Variants in MLXIP observed in about 807,000 individuals in gnomAD.
The protein encoded by MLXIP is MLX-interacting protein.
A neutral mutation model predicts 87.2 loss-of-function variants in MLXIP; 30 were observed. The observed-to-expected ratio is 0.34, with a 90% CI of 0.26 to 0.47. MLXIP has a LOEUF of 0.47. Among genes scored for constraint, MLXIP ranks in the 20% least tolerant of loss-of-function variants. The pLI, the probability that MLXIP is intolerant of heterozygous loss-of-function variation, is 1.00. For missense variants in MLXIP, 1,002 were observed against 1,240.1 expected, an observed-to-expected ratio of 0.81 and a Z score of 2.88; for synonymous variants, 530 against 514.0, an observed-to-expected ratio of 1.03 and a Z score of -0.42.
At chr12:122,087,632 A>G (rs140789304) in intron 1 of MLXIP, among the ~76,000 whole-genome samples, 1,837 of 152,288 alleles carry the variant, frequency 0.012, 39 homozygotes, top group African/African-American at 0.042. Flanking sequence ...AGGAGGTAAG[A>G]TAGAAGAGGC....
chr12:122,096,075 A>G (rs1290500642), intron 1 of MLXIP, among the ~76,000 whole-genome samples: 1 of 151,362 alleles, frequency 6.6e-6, no homozygotes, highest in Non-Finnish European at 1.5e-5. Context: ...CAAAATATCC[A>G]TCTGCAATTT....
intron 1 of MLXIP, among the ~76,000 whole-genome samples, chr12:122,094,198 TTG>T (rs1952304356): frequency 7.9e-5 from 3 of 38,080 alleles, no homozygotes; most frequent in East Asian, 1.8e-3. Context: ...GTTGTGTGTG[TTG>T]GTGTGTGGAG....
At chr12:122,131,152 C>T (rs1952970983) in intron 7 of MLXIP, among the ~76,000 whole-genome samples, 3 of 152,062 alleles carry the variant, frequency 2.0e-5, no homozygotes, top group Admixed American at 1.3e-4. Flanking sequence ...TGGATTTAGC[C>T]GTGACTGTAA....
intron 1 of MLXIP, among the ~76,000 whole-genome samples, chr12:122,082,269 C>G (rs1428554411): frequency 6.6e-6 from 1 of 152,144 alleles, no homozygotes; most frequent in Non-Finnish European, 1.5e-5. Flanking sequence ...GGCGAAGGGT[C>G]TTGATTTGGT....
At position 122,141,877 on chromosome 12, in the gene MLXIP, C is replaced by A; in HGVS notation, c.*65C>A. The A allele has an allele frequency of 6.3e-7, 1 of 1,590,254 alleles. No individual in the cohort carries two copies. On this transcript the variant is annotated 3_prime_UTR_variant, in exon 17 of 17. Transcript: ENST00000319080. ...CCCTTCCCTGCCCATGGAGAGTAGG[C>A]TGCGCCCCCCAGCCCTTCCTGACGC...
chr12:122,142,017 C>G lies in MLXIP; in HGVS notation c.*205C>G. 1 of 732,352 alleles carries G rather than the reference C, an allele frequency of 1.4e-6. No individual in the cohort carries two copies. Among genetic ancestry groups the G allele is most frequent in the Non-Finnish European group, 2.3e-6 (1 of 443,390 alleles). The allele number at this position is 732,352 out of a possible 1,614,324, so 45.4% of individuals were successfully genotyped here. ...CAGCAATAGCCCGCCTTTGGGAACC[C>G]CTTGCTGTGAACTCTCTCACTCAGT... On this transcript the variant is annotated 3_prime_UTR_variant, in exon 17 of 17. Coordinates refer to ENST00000319080, the MANE Select transcript of MLXIP (RefSeq NM_014938.6).
At chr12:122,082,788 C>T (rs1446461987) in intron 1 of MLXIP, among the ~76,000 whole-genome samples, 1 of 152,164 alleles carries the variant, frequency 6.6e-6, no homozygotes, top group Non-Finnish European at 1.5e-5. Flanking sequence ...CCTCTTGACA[C>T]TGTAAGGAAT....
At chr12:122,122,275 C>T (rs534898078) in intron 1 of MLXIP, among the ~76,000 whole-genome samples, 2 of 152,300 alleles carry the variant, frequency 1.3e-5, no homozygotes, top group Non-Finnish European at 2.9e-5. Flanking sequence ...GAGCAGAAGT[C>T]CCCCCAGTCA....
At chr12:122,140,733 T>A (rs772032926) in intron 15 of MLXIP, 13 of 677,324 alleles carry the variant, frequency 1.9e-5, no homozygotes, top group Non-Finnish European at 3.4e-5. Flanking sequence ...GCTCGGTGCT[T>A]GAGCGGCCCT....
intron 1 of MLXIP, among the ~76,000 whole-genome samples, chr12:122,123,512 G>C (rs1952818573): frequency 6.6e-6 from 1 of 152,204 alleles, no homozygotes; most frequent in Non-Finnish European, 1.5e-5. Flanking sequence ...AAACATTTCA[G>C]CTCACGGAGA....
chr12:122,119,603 G>T (rs1952747820), intron 1 of MLXIP, among the ~76,000 whole-genome samples: 2 of 152,178 alleles, frequency 1.3e-5, no homozygotes, highest in South Asian at 4.1e-4. Flanking sequence ...GTGTTAGCCA[G>T]GATGGTCTCG....
At position 122,133,931 on chromosome 12, in the gene MLXIP, C is replaced by T; in HGVS notation, c.1676C>T (p.Pro559Leu). 1 of 1,608,014 alleles carries T rather than the reference C, an allele frequency of 6.2e-7. No individual in the cohort carries two copies. The part of the protein sequence containing the change: ...GRPKQPHKIV[P>L]APKPEPVSLV... ...CCTAAGCAGCCCCACAAAATAGTGC[C>T]TGCTCCCAAACCAGAGCCCGTGTCC... Residue 559 changes from proline (P) to leucine (L), a missense_variant, in exon 9 of 17, where the codon CCT becomes CTT. Physicochemically the swap from Pro to Leu is moderately conservative, Grantham distance 98 (BLOSUM62 -3). Coordinates refer to ENST00000319080, the MANE Select transcript of MLXIP (RefSeq NM_014938.6). The surrounding 1 kb of genome is among the most constrained non-coding windows in gnomAD (Gnocchi z 4.9).
Position 122,133,384 on chromosome 12 carries a change from A to G in MLXIP, c.1129A>G (p.Ser377Gly). The G allele has an allele frequency of 6.3e-7, 1 of 1,590,860 alleles. No individual in the cohort carries two copies. Residue 377 changes from serine to glycine, a missense_variant, in exon 9 of 17, where the codon AGC (serine) becomes GGC (glycine). Around this residue, in one of 3 missense-constraint regions of MLXIP, gnomAD observed 746 missense variants for 897.0 expected, o/e 0.83. Coordinates refer to ENST00000319080, the MANE Select transcript of MLXIP (RefSeq NM_014938.6). This position sits in a 1 kb window ranked among gnomAD's most constrained non-coding sequence, Gnocchi z 4.9. ...GCCGACCACAGCCCTCCCCACTGTGAGCCTTCCTGACAGCCTCATCGCGCC... is the reference window on the plus strand; with the variant it reads ...GCCGACCACAGCCCTCCCCACTGTGGGCCTTCCTGACAGCCTCATCGCGCC... The part of the protein sequence containing the change: ...ILPTTALPTV[S>G]LPDSLIAPPT...
chr12:122,110,697 G>A (rs1952591848), intron 1 of MLXIP, among the ~76,000 whole-genome samples: 1 of 151,860 alleles, frequency 6.6e-6, no homozygotes, highest in South Asian at 2.1e-4. Context: ...CATGAACCCA[G>A]TAGTTCAAGG....
intron 4 of MLXIP, 137 bp from the exon 5 acceptor site, chr12:122,129,451 T>C: frequency 1.9e-6 from 2 of 1,063,960 alleles, no homozygotes; most frequent in Non-Finnish European, 2.8e-6. Flanking sequence ...GGTGGAAGTC[T>C]CCTTTGTGCA....
At chr12:122,093,623 GT>G in intron 1 of MLXIP, among the ~76,000 whole-genome samples, 1 of 142,870 alleles carries the variant, frequency 7.0e-6, no homozygotes, top group East Asian at 2.3e-4. Flanking sequence ...TGTGTGTGGT[GT>G]GTGTGTTGGT....
intron 5 of MLXIP, 33 bp downstream of exon 5, chr12:122,129,662 C>T: frequency 6.2e-7 from 1 of 1,609,610 alleles, no homozygotes; most frequent in Non-Finnish European, 8.5e-7. Flanking sequence ...AGGACCCCCA[C>T]TTTGACATGA....
intron 1 of MLXIP, among the ~76,000 whole-genome samples, chr12:122,121,883 T>A (rs1216141166): frequency 1.3e-5 from 2 of 152,260 alleles, no homozygotes; most frequent in East Asian, 3.8e-4. Flanking sequence ...GAAGGGCAGC[T>A]GTGGCAGGGT....
chr12:122,082,852 GCT>G (rs1952111283), intron 1 of MLXIP, among the ~76,000 whole-genome samples: 1 of 152,138 alleles, frequency 6.6e-6, no homozygotes, highest in Admixed American at 6.5e-5. Flanking sequence ...ATAGGATCTC[GCT>G]CTGTTTCCCA....
Sources: gnomAD v4.1 joint callset for allele counts (sites outside exome capture counted in the v4.1 genomes callset) on GRCh38, gnomAD v4.1.1 for gene constraint, gnomAD v4.1.1 regional missense constraint, Gnocchi (gnomAD v3.1) non-coding constraint, MANE v1.5 for transcripts, NCBI Gene and HGNC (gene_info 2026-07-23, HGNC 2026-07-21) for gene names.